The following OXR1 variants were observed in gnomAD, a reference collection of about 807,000 sequenced individuals.
OXR1 encodes oxidation resistance protein 1.
OXR1 carries 41 observed loss-of-function variants against 104.6 expected under a neutral mutation model. The observed-to-expected ratio is 0.39, with a 90% confidence interval of 0.31 to 0.51. The LOEUF (loss-of-function observed/expected upper bound fraction) is 0.51. OXR1 is among the 20% of genes least tolerant of loss of function. OXR1 has a pLI of 0.77. For synonymous variants in OXR1, 348 were observed against 348.4 expected, an observed-to-expected ratio of 1.00 and a Z score of 0.01; for missense variants, 955 against 1,031.9, an observed-to-expected ratio of 0.93 and a Z score of 1.02.
At chr8:106,311,401 G>A (rs921798092) in intron 1 of OXR1, among the ~76,000 whole-genome samples, 2 of 152,108 alleles carry the variant, frequency 1.3e-5, no homozygotes, top group African/African-American at 4.8e-5. Context: ...GTATTTATGT[G>A]TAGAACTTGT....
At chr8:106,597,818 C>T (rs538334407) in intron 3 of OXR1, among the ~76,000 whole-genome samples, 1 of 152,306 alleles carries the variant, frequency 6.6e-6, no homozygotes, top group South Asian at 2.1e-4. Flanking sequence ...GATCTGGCTT[C>T]TGCTTCATTT....
At chr8:106,711,631 A>G (rs1037025897) in intron 10 of OXR1, among the ~76,000 whole-genome samples, 4 of 152,282 alleles carry the variant, frequency 2.6e-5, no homozygotes, top group East Asian at 1.9e-4. Context: ...CTGCAAGCCA[A>G]CAACTTAGTC....
intron 3 of OXR1, among the ~76,000 whole-genome samples, chr8:106,590,555 G>A (rs1288537608): frequency 6.6e-6 from 1 of 152,090 alleles, no homozygotes; most frequent in African/African-American, 2.4e-5. Flanking sequence ...CAAAGTGCTG[G>A]GATTACAGGC....
intron 1 of OXR1, among the ~76,000 whole-genome samples, chr8:106,338,823 T>C (rs1045840945): frequency 6.6e-6 from 1 of 152,124 alleles, no homozygotes; most frequent in African/African-American, 2.4e-5. Flanking sequence ...TTGTGATTCT[T>C]GGTATTTATA....
rs1195888334 is a variant in OXR1 at position 106,739,548 on chromosome 8, C to A, written c.2128C>A (p.Pro710Thr). ...ATCTTTTCGACCAAACCTAAGTGATCCCAGTGAACTTTTACTGCCAGATCA... is the reference window on the plus strand; with the variant it reads ...ATCTTTTCGACCAAACCTAAGTGATACCAGTGAACTTTTACTGCCAGATCA... ...SESFRPNLSD[P>T]SELLLPDQIE... The change falls in exon 13 of 17, where the codon CCC becomes ACC. Residue 710 changes from proline to threonine, a missense_variant. This residue lies in a region of OXR1 where 849 missense variants were observed against 852.9 expected (regional missense o/e 1.00). Coordinates refer to ENST00000517566, the MANE Select transcript of OXR1 (RefSeq NM_001198533.2). 2.9e-5 allele frequency: 46 copies of A among 1,613,256 alleles called. No individual in the cohort carries two copies. The highest frequency in any genetic ancestry group is 3.6e-5 in the Non-Finnish European group (43 of 1,179,616).
chr8:106,740,704 A>G (rs1834849182), intron 14 of OXR1, among the ~76,000 whole-genome samples: 1 of 152,184 alleles, frequency 6.6e-6, no homozygotes, highest in Non-Finnish European at 1.5e-5. Context: ...CAAAGGGATT[A>G]TAGAGTGGTA....
chr8:106,560,432 G>A (rs150650929), intron 3 of OXR1, among the ~76,000 whole-genome samples: 2 of 152,246 alleles, frequency 1.3e-5, no homozygotes, highest in Non-Finnish European at 2.9e-5. Context: ...TTACTTCTAT[G>A]GGAGTTGTGT....
chr8:106,398,928 T>C (rs1440855281), intron 2 of OXR1, among the ~76,000 whole-genome samples: 2 of 152,168 alleles, frequency 1.3e-5, no homozygotes, highest in South Asian at 2.1e-4. Context: ...CACATGCACA[T>C]CTGGGGATTT....
chr8:106,358,247 A>C (rs1816066032), intron 1 of OXR1, among the ~76,000 whole-genome samples: 1 of 152,194 alleles, frequency 6.6e-6, no homozygotes, highest in South Asian at 2.1e-4. Context: ...TGGAGTTGCC[A>C]TATATGCCTT....
At chr8:106,588,509 A>G (rs1818827483) in intron 3 of OXR1, among the ~76,000 whole-genome samples, 1 of 138,614 alleles carries the variant, frequency 7.2e-6, no homozygotes, top group African/African-American at 2.8e-5. Context: ...TTTTTTTTTG[A>G]GACAGTCTTG....
chr8:106,408,131 G>A (rs891811435), intron 2 of OXR1, among the ~76,000 whole-genome samples: 2 of 152,086 alleles, frequency 1.3e-5, no homozygotes, highest in Non-Finnish European at 2.9e-5. Context: ...AAGAATCATC[G>A]ATCCCCAAAT....
At chr8:106,390,273 C>T (rs1013918408) in intron 2 of OXR1, among the ~76,000 whole-genome samples, 1 of 151,770 alleles carries the variant, frequency 6.6e-6, no homozygotes, top group African/African-American at 2.4e-5. Context: ...TGCTTTGTGC[C>T]AGCCTAGGGA....
intron 2 of OXR1, among the ~76,000 whole-genome samples, chr8:106,502,699 C>T (rs1202404218): frequency 6.6e-6 from 1 of 152,116 alleles, no homozygotes; most frequent in African/African-American, 2.4e-5. Context: ...TTTAAAGTAC[C>T]TTCTGTAAAA....
chr8:106,476,197 G>T (rs1821801719), intron 2 of OXR1, among the ~76,000 whole-genome samples: 1 of 151,878 alleles, frequency 6.6e-6, no homozygotes, highest in Non-Finnish European at 1.5e-5. Context: ...GGCTGAATTA[G>T]AGATGTTGTG....
At chr8:106,631,760 G>T (rs1371613348) in intron 3 of OXR1, among the ~76,000 whole-genome samples, 2 of 152,076 alleles carry the variant, frequency 1.3e-5, no homozygotes, top group African/African-American at 4.8e-5. Context: ...TACTAAGAAA[G>T]ATTTGATTCT....
chr8:106,552,869 CAT>C (rs1400008617), intron 3 of OXR1, among the ~76,000 whole-genome samples: 18 of 152,190 alleles, frequency 1.2e-4, no homozygotes, highest in Non-Finnish European at 2.5e-4. Context: ...CTTAAATCCA[CAT>C]GTTTTCTCTC....
intron 2 of OXR1, among the ~76,000 whole-genome samples, chr8:106,430,126 G>A (rs574583049): frequency 6.6e-6 from 1 of 152,042 alleles, no homozygotes; most frequent in Non-Finnish European, 1.5e-5. Context: ...TTTTTGTAAA[G>A]TCATAATCCC....
chr8:106,710,865 C>A (rs924832879), intron 10 of OXR1, 75 bp downstream of exon 10: 4 of 908,114 alleles, frequency 4.4e-6, no homozygotes, highest in Non-Finnish European at 6.2e-6. Context: ...TGTCAAAATA[C>A]CAATGATAAA....
intron 7 of OXR1, among the ~76,000 whole-genome samples, chr8:106,694,312 A>G (rs1276036196): frequency 6.7e-6 from 1 of 149,652 alleles, no homozygotes; most frequent in Non-Finnish European, 1.5e-5. Context: ...TTGTTGATAG[A>G]AGAATTTTGA....
Sources: gnomAD v4.1 joint callset for allele counts (sites outside exome capture counted in the v4.1 genomes callset) on GRCh38, gnomAD v4.1.1 for gene constraint, gnomAD v4.1.1 regional missense constraint, MANE v1.5 for transcripts, NCBI Gene and HGNC (gene_info 2026-07-23, HGNC 2026-07-21) for gene names.